Variants in KCNC2 observed in about 807,000 individuals in gnomAD.
The protein encoded by KCNC2 is potassium voltage-gated channel subfamily C member 2.
In KCNC2, 21 loss-of-function variants were observed where a neutral mutation model predicts 44.5. The ratio of observed to expected loss-of-function variants is 0.47; its 90% confidence interval spans 0.33 to 0.68. The LOEUF (loss-of-function observed/expected upper bound fraction) is 0.68, where lower values mean the gene tolerates loss of function less well. KCNC2 is among the 30% of genes least tolerant of loss of function. KCNC2 has a pLI of 0.01. For synonymous variants in KCNC2, 391 were observed against 339.1 expected (o/e 1.15, Z -1.68); for missense variants, 589 against 826.2 (o/e 0.71, Z 3.52).
At chr12:75,043,834 G>GA (rs749021663) in intron 4 of KCNC2, 1,582 of 1,190,582 alleles carry the variant, frequency 1.3e-3, no homozygotes, top group South Asian at 2.3e-3. Flanking sequence ...AAAAGTAAAG[G>GA]AAAAAAAAAG....
At chr12:75,163,450 T>C (rs998218525) in intron 2 of KCNC2, among the ~76,000 whole-genome samples, 15 of 151,738 alleles carry the variant, frequency 9.9e-5, no homozygotes, top group African/African-American at 3.6e-4. Context: ...CTCTTTTCAT[T>C]TGGAACAAAT....
chr12:75,199,230 A>G (rs1285103425), intron 2 of KCNC2, among the ~76,000 whole-genome samples: 1 of 151,846 alleles, frequency 6.6e-6, no homozygotes, highest in Non-Finnish European at 1.5e-5. Context: ...GCACAGTCAG[A>G]TATTGTTGAA....
chr12:75,203,419 G>T (rs1275540025), intron 2 of KCNC2, among the ~76,000 whole-genome samples: 2 of 151,676 alleles, frequency 1.3e-5, no homozygotes, highest in Non-Finnish European at 3.0e-5. Context: ...ATATTTTCAA[G>T]ATTTAAAAAA....
chr12:75,168,833 A>G (rs1038782928), intron 2 of KCNC2, among the ~76,000 whole-genome samples: 2 of 151,620 alleles, frequency 1.3e-5, no homozygotes, highest in African/African-American at 4.8e-5. Context: ...AATGAATAAT[A>G]GAAATCTCCT....
At chr12:75,185,433 T>C (rs745495663) in intron 2 of KCNC2, among the ~76,000 whole-genome samples, 2 of 152,082 alleles carry the variant, frequency 1.3e-5, no homozygotes, top group Non-Finnish European at 2.9e-5. Flanking sequence ...ATGACCTGCA[T>C]GAATAGATTA....
chr12:75,125,655 A>T (rs1888366690), intron 2 of KCNC2, among the ~76,000 whole-genome samples: 1 of 152,180 alleles, frequency 6.6e-6, no homozygotes, highest in South Asian at 2.1e-4. Flanking sequence ...ACTTTTTGCG[A>T]GGTAATTAGC....
rs375567437 is a variant in KCNC2 at position 75,144,043 on chromosome 12, A to G, written c.687+63254T>C. Among the ~76,000 whole-genome samples the G allele has an allele frequency of 3.0e-4, 46 of 152,320 alleles. No homozygotes were observed. In the East Asian group the frequency reaches 5.0e-3, roughly 17 times the overall value. On this transcript the variant is annotated intron_variant, in intron 2 of 4. Coordinates refer to ENST00000549446, the MANE Select transcript of KCNC2 (RefSeq NM_139137.4). ...ATTCATGGTGAACATCCATTTTTAT[A>G]TGACTGACATTGTATTAATAATTAT... is the stretch of plus-strand genomic sequence containing the variant.
At chr12:75,161,692 C>T (rs1367263337) in intron 2 of KCNC2, among the ~76,000 whole-genome samples, 1 of 151,678 alleles carries the variant, frequency 6.6e-6, no homozygotes, top group Non-Finnish European at 1.5e-5. Flanking sequence ...TAGAAAATGT[C>T]GTCTGCATAC....
intron 2 of KCNC2, among the ~76,000 whole-genome samples, chr12:75,088,717 C>T (rs1885228741): frequency 6.6e-6 from 1 of 151,946 alleles, no homozygotes; most frequent in Admixed American, 6.6e-5. Context: ...AAAAGTGATA[C>T]CCTTTATCAG....
intron 2 of KCNC2, among the ~76,000 whole-genome samples, chr12:75,054,980 C>T (rs1193700979): frequency 2.0e-5 from 3 of 152,126 alleles, no homozygotes; most frequent in African/African-American, 4.8e-5. Flanking sequence ...GTTTCTGGCT[C>T]ACTGAGTAGA....
chr12:75,141,851 T>C (rs2137408561), intron 2 of KCNC2, among the ~76,000 whole-genome samples: 1 of 152,278 alleles, frequency 6.6e-6, no homozygotes, highest in East Asian at 1.9e-4. Flanking sequence ...CAATAAACAA[T>C]AGCTAACATG....
At chr12:75,183,059 A>G (rs930851699) in intron 2 of KCNC2, among the ~76,000 whole-genome samples, 2 of 152,254 alleles carry the variant, frequency 1.3e-5, no homozygotes, top group African/African-American at 4.8e-5. Flanking sequence ...GTGGTTAGCA[A>G]TCTGATCACT....
At chr12:75,182,282 T>C (rs1447045023) in intron 2 of KCNC2, among the ~76,000 whole-genome samples, 3 of 151,676 alleles carry the variant, frequency 2.0e-5, no homozygotes, top group South Asian at 4.2e-4. Flanking sequence ...TCCAGCACTT[T>C]GGGAGGCCGA....
At chr12:75,119,898 G>A (rs561761481) in intron 2 of KCNC2, among the ~76,000 whole-genome samples, 1 of 152,248 alleles carries the variant, frequency 6.6e-6, no homozygotes, top group South Asian at 2.1e-4. Flanking sequence ...CCTTTCAACT[G>A]AATAAAGATA....
At chr12:75,196,833 T>A (rs2030810123) in intron 2 of KCNC2, among the ~76,000 whole-genome samples, 1 of 152,112 alleles carries the variant, frequency 6.6e-6, no homozygotes, top group Non-Finnish European at 1.5e-5. Context: ...TTAACTTTTT[T>A]CCAAATTCTT....
intron 2 of KCNC2, among the ~76,000 whole-genome samples, chr12:75,193,329 G>A (rs1318970444): frequency 6.6e-6 from 1 of 152,204 alleles, no homozygotes; most frequent in Non-Finnish European, 1.5e-5. Flanking sequence ...TAGGTTGGAA[G>A]TGGAGTAATG....
At position 75,060,667 on chromosome 12, in the gene KCNC2, C is replaced by T. The variant is rs572644032; in HGVS notation, c.688-9350G>A. On this transcript the variant is annotated intron_variant, in intron 2 of 4. Transcript: ENST00000549446. ...TTTTTTTTAAATAGAGATGGGATTTCACCATATTTCCCAGGCTGGCCTTGA... is the reference window on the plus strand; with the variant it reads ...TTTTTTTTAAATAGAGATGGGATTTTACCATATTTCCCAGGCTGGCCTTGA... Among the ~76,000 whole-genome samples the T allele has an allele frequency of 5.3e-5, 8 of 151,906 alleles. No individual in the cohort carries two copies. The South Asian group carries it at 1.7e-3, about 32-fold the overall frequency.
chr12:75,157,423 C>A (rs80327409), intron 2 of KCNC2, among the ~76,000 whole-genome samples: 159 of 151,986 alleles, frequency 1.0e-3, no homozygotes, highest in African/African-American at 3.8e-3. Context: ...CTCAGGATTT[C>A]TTGATGAATC....
At position 75,041,848 on chromosome 12, in the gene KCNC2, C is replaced by T; in HGVS notation, c.*1257G>A. ...AAAGCAGAGAGGCTGCTCCAAATAGCAAAAAATGGTATGGAGTCGGGTTTG... is the reference window on the plus strand; with the variant it reads ...AAAGCAGAGAGGCTGCTCCAAATAGTAAAAAATGGTATGGAGTCGGGTTTG... On this transcript the variant is annotated 3_prime_UTR_variant, in exon 5 of 5. Coordinates refer to ENST00000549446, the MANE Select transcript of KCNC2 (RefSeq NM_139137.4). 4 of 988,450 alleles carry T rather than the reference C, an allele frequency of 4.0e-6. No individual in the cohort carries two copies. The highest frequency in any genetic ancestry group is 4.8e-6 in the Non-Finnish European group (4 of 832,194). The allele number at this position is 988,450 out of a possible 1,614,324, so 61.2% of individuals were successfully genotyped here.
Sources: allele counts gnomAD v4.1 joint callset (sites outside exome capture counted in the v4.1 genomes callset), GRCh38; gene constraint gnomAD v4.1.1; transcripts MANE v1.5; gene names NCBI Gene and HGNC (gene_info 2026-07-23, HGNC 2026-07-21).